Variants in ANK3 observed in about 807,000 individuals in gnomAD.
ANK3 encodes the protein ankyrin-3.
Under a neutral mutation model 370.9 loss-of-function variants are expected in ANK3, and 57 were observed. The ratio of observed to expected loss-of-function variants is 0.15; its 90% CI spans 0.12 to 0.19. The LOEUF is 0.19. ANK3 is among the 10% of genes least tolerant of loss of function. The pLI, the probability that ANK3 is intolerant of heterozygous loss-of-function variation, is 1.00. For synonymous variants in ANK3, 1,929 were observed against 1,946.3 expected (o/e 0.99, Z 0.23); for missense variants, 4,439 against 5,302.1 (o/e 0.84, Z 5.06).
At chr10:60,082,867 G>T in intron 33 of ANK3, 130 bp from the exon 34 acceptor site, 2 of 1,094,238 alleles carry the variant, frequency 1.8e-6, no homozygotes, top group Non-Finnish European at 2.6e-6. Context: ...AAAAGATGAT[G>T]ATTACGATTA....
chr10:60,350,671 C>T (rs1160861279), intron 1 of ANK3, among the ~76,000 whole-genome samples: 2 of 151,934 alleles, frequency 1.3e-5, no homozygotes, highest in Non-Finnish European at 2.9e-5. Context: ...TAGCTGTTGC[C>T]AAGATAAAAG....
At chr10:60,230,439 G>T (rs1453162628) in intron 8 of ANK3, among the ~76,000 whole-genome samples, 1 of 152,146 alleles carries the variant, frequency 6.6e-6, no homozygotes, top group African/African-American at 2.4e-5. Flanking sequence ...GCCTTGATAG[G>T]TGTTTATATC....
chr10:60,480,349 T>C (rs565838745), intron 2 of ANK3, among the ~76,000 whole-genome samples: 1 of 152,058 alleles, frequency 6.6e-6, no homozygotes, highest in Non-Finnish European at 1.5e-5. Context: ...AAAAAATATC[T>C]TGAAGGGGAA....
intron 2 of ANK3, among the ~76,000 whole-genome samples, chr10:60,612,064 A>C (rs138517051): frequency 6.6e-6 from 1 of 152,272 alleles, no homozygotes; most frequent in East Asian, 1.9e-4. Flanking sequence ...GAGGATTTTA[A>C]TATTTTAGCT....
chr10:60,458,628 T>C (rs549588718), intron 2 of ANK3, among the ~76,000 whole-genome samples: 1 of 152,248 alleles, frequency 6.6e-6, no homozygotes, highest in South Asian at 2.1e-4. Flanking sequence ...TCTTGTGAAC[T>C]TGCAATATTA....
At chr10:60,245,443 T>C (rs7901677) in intron 7 of ANK3, among the ~76,000 whole-genome samples, 90,206 of 151,944 alleles carry the variant, frequency 0.59, 27,072 homozygotes, top group Non-Finnish European at 0.64. Context: ...AGTATCTAAT[T>C]CTAGCACATT....
chr10:60,517,398 T>C (rs1019990185), intron 2 of ANK3, among the ~76,000 whole-genome samples: 2 of 152,028 alleles, frequency 1.3e-5, no homozygotes, highest in East Asian at 1.9e-4. Flanking sequence ...ACTGGTAGGC[T>C]TGTGAAGATG....
chr10:60,462,320 T>C (rs959765482), intron 2 of ANK3, among the ~76,000 whole-genome samples: 5 of 152,206 alleles, frequency 3.3e-5, no homozygotes, highest in Non-Finnish European at 5.9e-5. Flanking sequence ...ACAGACAATC[T>C]AGTCTATATT....
At chr10:60,648,413 C>A (rs1233416341) in intron 1 of ANK3, among the ~76,000 whole-genome samples, 1 of 143,538 alleles carries the variant, frequency 7.0e-6, no homozygotes, top group Non-Finnish European at 1.5e-5. Context: ...CCCCTCTCGG[C>A]CTCCCAAAGT....
Position 60,308,700 on chromosome 10 carries a change from G to T in ANK3, c.115-29061C>A, listed in dbSNP as rs574452602. The stretch of plus-strand genomic sequence containing the variant: ...ACTGCATTTTCTCTCCCATCCCTCA[G>T]GTCCTCAGCCCCTACCATCCAAAAC... On this transcript the variant is annotated intron_variant, in intron 1 of 43. Coordinates refer to ENST00000280772, the MANE Select transcript of ANK3 (RefSeq NM_020987.5). 4.6e-5 allele frequency among the ~76,000 whole-genome samples: 7 copies of T among 152,240 alleles called. No homozygotes were observed. In the South Asian group the frequency reaches 1.5e-3, roughly 32 times the overall value.
At chr10:60,440,010 A>G (rs999719834) in intron 2 of ANK3, among the ~76,000 whole-genome samples, 5 of 152,188 alleles carry the variant, frequency 3.3e-5, no homozygotes, top group Non-Finnish European at 7.3e-5. Flanking sequence ...GTACATTTCA[A>G]TATGCCCTTC....
At chr10:60,570,574 A>G (rs1013372875) in intron 2 of ANK3, among the ~76,000 whole-genome samples, 8 of 152,164 alleles carry the variant, frequency 5.3e-5, no homozygotes, top group African/African-American at 1.7e-4. Context: ...AATGAGGGGG[A>G]AAAAAACAGA....
chr10:60,400,666 G>A (rs1303000544), intron 2 of ANK3, among the ~76,000 whole-genome samples: 1 of 152,078 alleles, frequency 6.6e-6, no homozygotes, highest in Non-Finnish European at 1.5e-5. Flanking sequence ...CTTGCTTCAG[G>A]TTAGGGGAAT....
chr10:60,522,881 C>A (rs557205324), intron 2 of ANK3, among the ~76,000 whole-genome samples: 1 of 152,026 alleles, frequency 6.6e-6, no homozygotes, highest in Non-Finnish European at 1.5e-5. Context: ...GACACATACA[C>A]GGACAATCTG....
chr10:60,030,243 C>T (rs990052044), intron 43 of ANK3, among the ~76,000 whole-genome samples: 5 of 152,114 alleles, frequency 3.3e-5, no homozygotes, highest in Middle Eastern at 3.4e-3. Flanking sequence ...CCTGGGTTCA[C>T]ACCATTCTCC....
chr10:60,050,911 A>AT lies in ANK3; in HGVS notation c.13065+4746dup, dbSNP rs747517995. Among the ~76,000 whole-genome samples the AT allele has an allele frequency of 4.7e-3, 666 of 141,156 alleles. 4 individuals are homozygous for AT. The highest frequency in any genetic ancestry group is 6.4e-3 in the Non-Finnish European group (413 of 64,412). The allele number at this position is 141,156 out of a possible 152,430, so 92.6% of individuals were successfully genotyped here. A position where few individuals can be genotyped will look rare whatever the true frequency, so the allele number is the denominator to read the frequency against. On this transcript the variant is annotated intron_variant, in intron 42 of 43. Coordinates refer to ENST00000280772, the MANE Select transcript of ANK3 (RefSeq NM_020987.5). Reference sequence around the variant, plus strand: ...AAAGTTAAACAAACACCTATTTCAGATTTTTTTTTTTTTTTACTTGACTTG... The same window carrying AT: ...AAAGTTAAACAAACACCTATTTCAGATTTTTTTTTTTTTTTTACTTGACTTG...
chr10:60,636,408 A>G (rs1346823590), intron 1 of ANK3, among the ~76,000 whole-genome samples: 1 of 152,172 alleles, frequency 6.6e-6, no homozygotes, highest in South Asian at 2.1e-4. Context: ...CAAAGTCTCA[A>G]TTCCTCTGTT....
chr10:60,620,675 A>T (rs1054851943), intron 1 of ANK3, among the ~76,000 whole-genome samples: 1 of 152,218 alleles, frequency 6.6e-6, no homozygotes, highest in African/African-American at 2.4e-5. Flanking sequence ...TGACATCTTG[A>T]CAGCCCACTT....
At chr10:60,531,078 G>T (rs1021630920) in intron 2 of ANK3, among the ~76,000 whole-genome samples, 1 of 152,070 alleles carries the variant, frequency 6.6e-6, no homozygotes, top group Non-Finnish European at 1.5e-5. Flanking sequence ...ATCTCTTCAG[G>T]AGTGAATGGA....
Sources: gnomAD v4.1 joint callset for allele counts (sites outside exome capture counted in the v4.1 genomes callset) on GRCh38, gnomAD v4.1.1 for gene constraint, MANE v1.5 for transcripts, NCBI Gene and HGNC (gene_info 2026-07-23, HGNC 2026-07-21) for gene names.